Variants in NOTCH2NLC observed in about 807,000 individuals in gnomAD.
NOTCH2NLC encodes notch homolog 2 N-terminal-like protein C.
NOTCH2NLC carries 4 observed loss-of-function variants against 17.7 expected under a neutral mutation model. That is an observed-to-expected ratio of 0.23 (90% CI 0.11 to 0.52). The LOEUF is 0.52. Among genes scored for constraint, NOTCH2NLC ranks in the 20% least tolerant of loss-of-function variants. NOTCH2NLC has a pLI of 0.96. For missense variants in NOTCH2NLC, 57 were observed against 207.2 expected, an observed-to-expected ratio of 0.28 and a Z score of 4.45; for synonymous variants, 18 against 86.0, an observed-to-expected ratio of 0.21 and a Z score of 4.38.
At chr1:149,409,091 GC>G (rs2084284322) in intron 1 of NOTCH2NLC, 1 of 782,304 alleles carries the variant, frequency 1.3e-6, no homozygotes, top group South Asian at 5.7e-5. Context: ...CCTGAGAAGA[GC>G]TTTGATAGAA....
chr1:149,399,135 A>G (rs1389843851), intron 1 of NOTCH2NLC, among the ~76,000 whole-genome samples: 3 of 151,282 alleles, frequency 2.0e-5, no homozygotes, highest in African/African-American at 7.3e-5. Context: ...AAGGTGTTGT[A>G]CAAGAAGCTG....
At position 149,390,704 on chromosome 1, in the gene NOTCH2NLC, T is replaced by C. The variant is rs1415523463; in HGVS notation, c.-84T>C. The stretch of plus-strand genomic sequence containing the variant: ...GAGTCGAGGCATTTGCGCCTGTGCT[T>C]CGGACCGTAGCGCCAGGGCCTGAGC... On this transcript the variant is annotated 5_prime_UTR_variant, in exon 1 of 5. Transcript: ENST00000650865. The C allele has an allele frequency of 2.4e-5, 30 of 1,240,254 alleles. 4 individuals are homozygous for C. Among genetic ancestry groups the C allele is most frequent in the Admixed American group, 1.3e-4 (3 of 22,670 alleles). 76.8% of individuals were successfully genotyped at this position (1,240,254 alleles called of 1,614,324 possible).
chr1:149,449,344 C>T (rs1467665106), intron 2 of NOTCH2NLC, among the ~76,000 whole-genome samples: 4 of 149,184 alleles, frequency 2.7e-5, no homozygotes, highest in South Asian at 4.3e-4. Context: ...TCAGTTACTT[C>T]GGGTATATAC....
chr1:149,430,080 T>G lies in NOTCH2NLC; in HGVS notation c.136-862T>G, dbSNP rs2084437854. 2.7e-5 allele frequency among the ~76,000 whole-genome samples: 4 copies of G among 149,528 alleles called. No individual in the cohort carries two copies. The South Asian group carries it at 8.5e-4, about 32-fold the overall frequency. On this transcript the variant is annotated intron_variant, in intron 1 of 4. Coordinates refer to ENST00000650865, the MANE Select transcript of NOTCH2NLC (RefSeq NM_001364013.2). ...CAGCAAGTGATTGGCAGATTTCGAG[T>G]AGACTTCTTCCATTCTTGGCTGAAA...
intron 1 of NOTCH2NLC, among the ~76,000 whole-genome samples, chr1:149,408,183 CTCGTTT>C (rs2084280472): frequency 1.0e-5 from 1 of 98,694 alleles, no homozygotes; most frequent in Non-Finnish European, 2.1e-5. Flanking sequence ...TAATGTCACC[CTCGTTT>C]ACAGGCGTTT....
At chr1:149,460,918 TC>T (rs1415322248) in intron 3 of NOTCH2NLC, among the ~76,000 whole-genome samples, 44 of 135,138 alleles carry the variant, frequency 3.3e-4, no homozygotes, top group Middle Eastern at 3.6e-3. Flanking sequence ...TTTCTTTCTC[TC>T]TCTTTCTCTC....
chr1:149,446,875 ACATTCAT>A (rs2084557681), intron 2 of NOTCH2NLC, among the ~76,000 whole-genome samples: 1 of 117,430 alleles, frequency 8.5e-6, no homozygotes, highest in Non-Finnish European at 1.8e-5. Context: ...CAGGAGGGAA[ACATTCAT>A]ATAGTTTTGC....
chr1:149,433,778 C>CA (rs2084466822), intron 2 of NOTCH2NLC, among the ~76,000 whole-genome samples: 3 of 150,068 alleles, frequency 2.0e-5, no homozygotes, highest in Non-Finnish European at 4.5e-5. Flanking sequence ...GAAATCCCAT[C>CA]TCTACTAAAA....
chr1:149,392,932 G>A (rs1240548103), intron 1 of NOTCH2NLC, among the ~76,000 whole-genome samples: 8 of 149,666 alleles, frequency 5.3e-5, no homozygotes, highest in African/African-American at 1.7e-4. Context: ...TTAGCCGGGC[G>A]TAGTGGCGGG....
intron 3 of NOTCH2NLC, among the ~76,000 whole-genome samples, chr1:149,461,632 GTA>G (rs2084650468): frequency 6.6e-6 from 1 of 151,244 alleles, no homozygotes. Flanking sequence ...CCATTACTGG[GTA>G]TATACCCAAA....
Position 149,445,901 on chromosome 1 carries a change from T to A in NOTCH2NLC, c.210-9417T>A, listed in dbSNP as rs1173348785. Reference sequence around the variant, plus strand: ...TTTTTGAATGGCCAAATCCTCGTTTTAAAAAAAAAAAAAAAAAAAAAAAAG... The same window carrying A: ...TTTTTGAATGGCCAAATCCTCGTTTAAAAAAAAAAAAAAAAAAAAAAAAAG... On this transcript the variant is annotated intron_variant, in intron 2 of 4. Coordinates refer to ENST00000650865, the MANE Select transcript of NOTCH2NLC (RefSeq NM_001364013.2). 7.3e-3 allele frequency among the ~76,000 whole-genome samples: 531 copies of A among 72,628 alleles called. 4 individuals carry two copies. The highest frequency in any genetic ancestry group is 9.9e-3 in the Non-Finnish European group (370 of 37,516). The allele number at this position is 72,628 out of a possible 152,430, so 47.6% of individuals were successfully genotyped here.
intron 1 of NOTCH2NLC, among the ~76,000 whole-genome samples, chr1:149,426,576 CTTTT>C (rs1224339764): frequency 0.066 from 6,724 of 101,342 alleles, 3 homozygotes; most frequent in Middle Eastern, 0.12. Flanking sequence ...TTCTTTTTGC[CTTTT>C]TTTTTTTTTT....
intron 1 of NOTCH2NLC, among the ~76,000 whole-genome samples, chr1:149,391,250 AG>A (rs2084166167): frequency 4.3e-5 from 1 of 23,414 alleles, no homozygotes; most frequent in Admixed American, 3.8e-4. Flanking sequence ...GGGTGCAGGG[AG>A]GTGGGCAGTT....
chr1:149,398,307 T>G (rs1251253684), intron 1 of NOTCH2NLC, among the ~76,000 whole-genome samples: 5,676 of 140,766 alleles, frequency 0.04, 158 homozygotes, highest in African/African-American at 0.045. Flanking sequence ...CACATGTTGT[T>G]GTGTCTATTA....
intron 1 of NOTCH2NLC, among the ~76,000 whole-genome samples, chr1:149,412,046 G>T (rs1252810865): frequency 1.9e-5 from 2 of 105,374 alleles, no homozygotes; most frequent in African/African-American, 7.2e-5. Context: ...AGCCCCAGAG[G>T]TTGAGGCTGC....
chr1:149,395,753 A>G lies in NOTCH2NLC; in HGVS notation c.135+4831A>G, dbSNP rs2084202355. Among the ~76,000 whole-genome samples, 7 of 144,910 alleles carry G rather than the reference A, an allele frequency of 4.8e-5. No individual in the cohort carries two copies. In the South Asian group the frequency reaches 1.5e-3, roughly 32 times the overall value. ...ATTTTTTTTGAGATTTTTTTCATTG[A>G]GTTGGATATTGCAAACTTGTACTGG... On this transcript the variant is annotated intron_variant, in intron 1 of 4. Transcript: ENST00000650865.
chr1:149,396,033 C>T (rs2084206862), intron 1 of NOTCH2NLC, among the ~76,000 whole-genome samples: 1 of 151,312 alleles, frequency 6.6e-6, no homozygotes, highest in South Asian at 2.1e-4. Context: ...AACTGAGCGG[C>T]AGGTCTTAGT....
At chr1:149,461,829 G>T (rs1440254103) in intron 3 of NOTCH2NLC, among the ~76,000 whole-genome samples, 1 of 148,420 alleles carries the variant, frequency 6.7e-6, no homozygotes, top group African/African-American at 2.5e-5. Flanking sequence ...CATGTCCTTT[G>T]TAGGGACATG....
chr1:149,450,145 G>A lies in NOTCH2NLC; in HGVS notation c.210-5173G>A, dbSNP rs2084583471. 5.5e-5 allele frequency among the ~76,000 whole-genome samples: 8 copies of A among 146,340 alleles called. No homozygotes were observed. In the South Asian group the frequency reaches 1.7e-3, roughly 32 times the overall value. On this transcript the variant is annotated intron_variant, in intron 2 of 4. Transcript: ENST00000650865. ...TTATCTCGGGTATATACCTAGGAAG[G>A]GAGGCAGAATTTGAAGAATTAAGAA...
Sources: allele counts gnomAD v4.1 joint callset (sites outside exome capture counted in the v4.1 genomes callset), GRCh38; gene constraint gnomAD v4.1.1; transcripts MANE v1.5; gene names NCBI Gene and HGNC (gene_info 2026-07-23, HGNC 2026-07-21).